The following GUCY2C variants were observed in gnomAD, a reference collection of about 807,000 sequenced individuals.
GUCY2C encodes guanylyl cyclase C.
In GUCY2C, 118 loss-of-function variants were observed where a neutral mutation model predicts 131.1. That is an observed-to-expected ratio of 0.90 (90% CI 0.78 to 1.05). GUCY2C has a LOEUF of 1.05. Among genes scored for constraint, GUCY2C ranks in the 50% least tolerant of loss-of-function variants. The probability of loss-of-function intolerance (pLI) is 0.00; values close to 1 mark genes in which losing one functional copy is unlikely to be tolerated. For missense variants in GUCY2C, 1,161 were observed against 1,304.4 expected (o/e 0.89, Z 1.69); for synonymous variants, 452 against 457.8 (o/e 0.99, Z 0.16).
chr12:14,637,452 G>A lies in GUCY2C; in HGVS notation c.2157+2410C>T, dbSNP rs537755170. ...GAAAAAACAATCCTAAAATCCATACGAAACCAAAAAAGAGCCCAAATAGCC... is the reference window on the plus strand; with the variant it reads ...GAAAAAACAATCCTAAAATCCATACAAAACCAAAAAAGAGCCCAAATAGCC... On this transcript the variant is annotated intron_variant, in intron 19 of 26. Transcript: ENST00000261170. 8.5e-5 allele frequency among the ~76,000 whole-genome samples: 13 copies of A among 152,080 alleles called. No homozygotes were observed. The South Asian group carries it at 1.5e-3, about 17-fold the overall frequency.
intron 19 of GUCY2C, among the ~76,000 whole-genome samples, chr12:14,634,869 A>G (rs775018764): frequency 1.3e-4 from 20 of 152,318 alleles, no homozygotes; most frequent in Middle Eastern, 3.4e-3. Context: ...GACAAAGGTC[A>G]TAGGTCATTA....
chr12:14,619,581 A>C (rs769504066), intron 23 of GUCY2C, among the ~76,000 whole-genome samples: 5 of 152,212 alleles, frequency 3.3e-5, no homozygotes, highest in Admixed American at 6.5e-5. Flanking sequence ...TCCAGATCAC[A>C]AAGGTGATTT....
chr12:14,657,504 A>C lies in GUCY2C; in HGVS notation c.1365-887T>G, dbSNP rs1182520689. Among the ~76,000 whole-genome samples the C allele has an allele frequency of 2.0e-5, 3 of 151,052 alleles. No individual in the cohort carries two copies. In the East Asian group the frequency reaches 5.9e-4, roughly 30 times the overall value. On this transcript the variant is annotated intron_variant, in intron 11 of 26. Transcript: ENST00000261170. ...GTGTAGGTTGGGGATTAGGCCCCCA[A>C]CCCCTGGGCCATGGACTGGTACTGG... is the stretch of plus-strand genomic sequence containing the variant.
At chr12:14,662,654 C>T (rs1357238384) in intron 10 of GUCY2C, among the ~76,000 whole-genome samples, 2 of 132,596 alleles carry the variant, frequency 1.5e-5, no homozygotes, top group East Asian at 2.1e-4. Context: ...CCAGCCTGGG[C>T]GACACAATGA....
At chr12:14,663,737 T>C (rs1445920955) in intron 10 of GUCY2C, among the ~76,000 whole-genome samples, 2 of 152,206 alleles carry the variant, frequency 1.3e-5, no homozygotes, top group African/African-American at 4.8e-5. Context: ...GTCCATGTCC[T>C]ACTTATTCAT....
intron 19 of GUCY2C, among the ~76,000 whole-genome samples, chr12:14,638,075 C>G (rs372747914): frequency 6.6e-5 from 10 of 152,192 alleles, no homozygotes; most frequent in African/African-American, 2.4e-4. Flanking sequence ...AAACATTTCT[C>G]AAAAGAAGAT....
rs1396691948 is a variant in GUCY2C, at chr12:14,674,583, A to G, written c.1084+42T>C. On this transcript the variant is annotated intron_variant, in intron 8 of 26. Transcript: ENST00000261170. ...CCCCAAATCCACTCAGAAAGCCTAC[A>G]TTTCTTCACCTTGGGGTTATTTGCT... is the stretch of plus-strand genomic sequence containing the variant. 11 of 1,598,968 alleles carry G rather than the reference A, an allele frequency of 6.9e-6. No homozygotes were observed. The Middle Eastern group carries it at 5.0e-4, about 72-fold the overall frequency.
At chr12:14,624,330 A>G (rs1181956722) in intron 21 of GUCY2C, among the ~76,000 whole-genome samples, 1 of 152,140 alleles carries the variant, frequency 6.6e-6, no homozygotes, top group Non-Finnish European at 1.5e-5. Context: ...AATCCCAGCT[A>G]CTTGGGAGGC....
chr12:14,636,864 G>T (rs1947280240), intron 19 of GUCY2C, among the ~76,000 whole-genome samples: 1 of 152,018 alleles, frequency 6.6e-6, no homozygotes, highest in African/African-American at 2.4e-5. Context: ...CAAGGACGGT[G>T]GATTGCCTGA....
chr12:14,696,258 A>G lies in GUCY2C; in HGVS notation c.191T>C (p.Ile64Thr), dbSNP rs756459521. 1.1e-5 allele frequency: 17 copies of G among 1,613,894 alleles called. No homozygotes were observed. The change falls in exon 1 of 27, where the codon ATA becomes ACA. Residue 64 changes from isoleucine to threonine, a missense_variant. Ile to Thr is a moderately conservative substitution (Grantham distance 89, BLOSUM62 -1). Coordinates refer to ENST00000261170, the MANE Select transcript of GUCY2C (RefSeq NM_004963.4). ...LEDAVNEGLEIVRGRLQNAGL... is the reference protein window; with the variant it reads ...LEDAVNEGLETVRGRLQNAGL... ...AGCATTTTGCAGACGTCCTCTCACTATTTCCAGCCCCTCATTCACCGCATC... is the reference window on the plus strand; with the variant it reads ...AGCATTTTGCAGACGTCCTCTCACTGTTTCCAGCCCCTCATTCACCGCATC...
intron 10 of GUCY2C, among the ~76,000 whole-genome samples, chr12:14,661,555 T>C (rs752253428): frequency 4.6e-5 from 7 of 152,126 alleles, no homozygotes; most frequent in Middle Eastern, 3.4e-3. Flanking sequence ...TCTCCTGCTT[T>C]AGCCTCCCGA....
intron 26 of GUCY2C, among the ~76,000 whole-genome samples, chr12:14,614,013 G>A (rs1026543220): frequency 6.6e-6 from 1 of 152,064 alleles, no homozygotes; most frequent in Non-Finnish European, 1.5e-5. Flanking sequence ...ACCCAGAACC[G>A]CAGTCTTGGG....
At chr12:14,675,181 C>A (rs1265351996) in intron 7 of GUCY2C, among the ~76,000 whole-genome samples, 3 of 124,650 alleles carry the variant, frequency 2.4e-5, no homozygotes, top group African/African-American at 9.5e-5. Context: ...GCACTCCAGC[C>A]TGGGTGACAG....
At chr12:14,678,283 C>G (rs760243165) in intron 6 of GUCY2C, among the ~76,000 whole-genome samples, 2 of 152,156 alleles carry the variant, frequency 1.3e-5, no homozygotes, top group Non-Finnish European at 2.9e-5. Flanking sequence ...AGAGTCAAAA[C>G]AACCAGAAGT....
intron 24 of GUCY2C, among the ~76,000 whole-genome samples, chr12:14,617,409 C>T (rs1946789541): frequency 6.6e-6 from 1 of 152,102 alleles, no homozygotes; most frequent in Non-Finnish European, 1.5e-5. Flanking sequence ...CATTCCAGCT[C>T]AGAGTAGTAG....
intron 12 of GUCY2C, among the ~76,000 whole-genome samples, chr12:14,654,998 A>G (rs1197061996): frequency 6.6e-6 from 1 of 152,230 alleles, no homozygotes; most frequent in Non-Finnish European, 1.5e-5. Flanking sequence ...AGCCAATCAC[A>G]GGAAGCTAAC....
chr12:14,643,078 C>T (rs1947441547), intron 17 of GUCY2C, among the ~76,000 whole-genome samples: 1 of 152,112 alleles, frequency 6.6e-6, no homozygotes, highest in African/African-American at 2.4e-5. Flanking sequence ...TCACCACAAT[C>T]CTGAAAGAGG....
At chr12:14,618,761 AC>A (rs1244263230) in intron 24 of GUCY2C, among the ~76,000 whole-genome samples, 1 of 152,130 alleles carries the variant, frequency 6.6e-6, no homozygotes, top group African/African-American at 2.4e-5. Flanking sequence ...TGATCGTGTC[AC>A]TGCACTCCAG....
intron 17 of GUCY2C, among the ~76,000 whole-genome samples, chr12:14,642,642 C>G (rs1166474791): frequency 6.6e-6 from 1 of 152,002 alleles, no homozygotes; most frequent in African/African-American, 2.4e-5. Context: ...GTAACTGATG[C>G]CATAGGTAGG....
Sources: allele counts gnomAD v4.1 joint callset (sites outside exome capture counted in the v4.1 genomes callset), GRCh38; gene constraint gnomAD v4.1.1; transcripts MANE v1.5; gene names NCBI Gene and HGNC (gene_info 2026-07-23, HGNC 2026-07-21).